The following SLC12A2 variants were observed in gnomAD, a reference collection of about 807,000 sequenced individuals.
SLC12A2 encodes the protein Na-K-2Cl cotransporter 1.
In SLC12A2, 67 loss-of-function variants were observed where a neutral mutation model predicts 136.3. The ratio of observed to expected loss-of-function variants is 0.49; its 90% CI spans 0.40 to 0.60. SLC12A2 has a LOEUF of 0.60. Among genes scored for constraint, SLC12A2 ranks in the 20% least tolerant of loss-of-function variants. The pLI, the probability that SLC12A2 is intolerant of heterozygous loss-of-function variation, is 0.00. For synonymous variants in SLC12A2, 619 were observed against 562.9 expected, an observed-to-expected ratio of 1.10 and a Z score of -1.41; for missense variants, 1,322 against 1,534.7, an observed-to-expected ratio of 0.86 and a Z score of 2.32.
chr5:128,130,165 CT>C (rs1312607138), intron 4 of SLC12A2, among the ~76,000 whole-genome samples: 1 of 151,932 alleles, frequency 6.6e-6, no homozygotes, highest in Non-Finnish European at 1.5e-5. Flanking sequence ...GATTCCAGCA[CT>C]TTTGGGAGGC....
chr5:128,105,343 G>A (rs73784511), intron 1 of SLC12A2, among the ~76,000 whole-genome samples: 1 of 152,140 alleles, frequency 6.6e-6, no homozygotes, highest in Non-Finnish European at 1.5e-5. Context: ...AGCAAGGGAG[G>A]GGGGTATAGG....
intron 12 of SLC12A2, among the ~76,000 whole-genome samples, chr5:128,149,410 C>T (rs1414499062): frequency 1.3e-5 from 2 of 151,612 alleles, no homozygotes; most frequent in Non-Finnish European, 3.0e-5. Context: ...GGCAATATCT[C>T]GTAAACTTTT....
At chr5:128,154,623 C>T (rs1762816392) in intron 15 of SLC12A2, among the ~76,000 whole-genome samples, 3 of 152,000 alleles carry the variant, frequency 2.0e-5, no homozygotes, top group Non-Finnish European at 4.4e-5. Flanking sequence ...AGAGTAGTCC[C>T]CTGTTATCCA....
intron 20 of SLC12A2, among the ~76,000 whole-genome samples, chr5:128,176,836 T>A (rs1311344766): frequency 6.6e-6 from 1 of 152,076 alleles, no homozygotes; most frequent in South Asian, 2.1e-4. Context: ...GTAAACATTT[T>A]AAAAATATGC....
intron 17 of SLC12A2, among the ~76,000 whole-genome samples, chr5:128,165,596 A>G (rs1343416624): frequency 6.6e-6 from 1 of 152,194 alleles, no homozygotes; most frequent in African/African-American, 2.4e-5. Flanking sequence ...TTATTTGGAC[A>G]CTGAAAACAT....
rs139059450 is a variant in SLC12A2, at chr5:128,137,711, G to T, written c.1409-886G>T. Reference sequence around the variant, plus strand: ...TAGATGGATACATTACAGTTAGTCGGTTATCTTAGAGTCAGAGATGAAAAC... The same window carrying T: ...TAGATGGATACATTACAGTTAGTCGTTTATCTTAGAGTCAGAGATGAAAAC... On this transcript the variant is annotated intron_variant, in intron 7 of 26. Coordinates refer to ENST00000262461, the MANE Select transcript of SLC12A2 (RefSeq NM_001046.3). 8.0e-4 allele frequency among the ~76,000 whole-genome samples: 122 copies of T among 152,218 alleles called. 2 individuals are homozygous for T. The highest frequency in any genetic ancestry group is 2.9e-3 in the African/African-American group (120 of 41,526).
chr5:128,166,836 A>G (rs1462067498), intron 17 of SLC12A2, among the ~76,000 whole-genome samples: 2 of 152,108 alleles, frequency 1.3e-5, no homozygotes, highest in Non-Finnish European at 2.9e-5. Context: ...CTACAATAAA[A>G]TACTAAAACT....
At chr5:128,137,237 C>T (rs933324151) in intron 7 of SLC12A2, among the ~76,000 whole-genome samples, 1 of 152,156 alleles carries the variant, frequency 6.6e-6, no homozygotes, top group African/African-American at 2.4e-5. Context: ...ACTCCAATTT[C>T]ATTTAATTTT....
At chr5:128,106,657 C>A (rs1393455823) in intron 1 of SLC12A2, among the ~76,000 whole-genome samples, 1 of 152,050 alleles carries the variant, frequency 6.6e-6, no homozygotes, top group African/African-American at 2.4e-5. Context: ...TGTGGACATA[C>A]CTTTATTTTA....
Position 128,110,657 on chromosome 5 carries a change from G to A in SLC12A2, c.757-2157G>A, listed in dbSNP as rs896793225. The A allele has an allele frequency of 6.5e-6, 8 of 1,226,432 alleles. No homozygotes were observed. The South Asian group carries it at 8.4e-5, about 13-fold the overall frequency. The allele number at this position is 1,226,432 out of a possible 1,614,324, so 76.0% of individuals were successfully genotyped here. On this transcript the variant is annotated intron_variant, in intron 1 of 26. Coordinates refer to ENST00000262461, the MANE Select transcript of SLC12A2 (RefSeq NM_001046.3). Reference sequence around the variant, plus strand: ...AGTGACAGTGTTGTGCTGAAGCCAAGACTCCGTCTACTATGAACATTTTTA... The same window carrying A: ...AGTGACAGTGTTGTGCTGAAGCCAAAACTCCGTCTACTATGAACATTTTTA...
chr5:128,185,801 T>TAA (rs1763848104), intron 26 of SLC12A2, among the ~76,000 whole-genome samples: 6 of 152,178 alleles, frequency 3.9e-5, no homozygotes, highest in Admixed American at 3.9e-4. Flanking sequence ...ATATCAGAGG[T>TAA]ACTGTGGTTT....
At chr5:128,153,788 T>G (rs1762785327) in intron 15 of SLC12A2, among the ~76,000 whole-genome samples, 1 of 152,110 alleles carries the variant, frequency 6.6e-6, no homozygotes, top group Non-Finnish European at 1.5e-5. Context: ...AGAAAAGTAA[T>G]TGTTTATTTT....
intron 4 of SLC12A2, among the ~76,000 whole-genome samples, chr5:128,129,876 C>T (rs1387508891): frequency 6.6e-6 from 1 of 152,104 alleles, no homozygotes; most frequent in African/African-American, 2.4e-5. Flanking sequence ...ATTAGATTGT[C>T]TCTGAATCAT....
chr5:128,130,076 G>A (rs1440233457), intron 4 of SLC12A2, among the ~76,000 whole-genome samples: 2 of 149,054 alleles, frequency 1.3e-5, no homozygotes, highest in Non-Finnish European at 1.5e-5. Flanking sequence ...ACCACAAATT[G>A]TCTTAATTAA....
chr5:128,165,724 G>A (rs867072625), intron 17 of SLC12A2, among the ~76,000 whole-genome samples: 3 of 152,242 alleles, frequency 2.0e-5, no homozygotes, highest in Middle Eastern at 3.4e-3. Flanking sequence ...AATTGAAAAT[G>A]TAAGTATACA....
At chr5:128,165,335 C>T (rs541861191) in intron 17 of SLC12A2, among the ~76,000 whole-genome samples, 7 of 152,102 alleles carry the variant, frequency 4.6e-5, no homozygotes, top group Non-Finnish European at 8.8e-5. Flanking sequence ...ATTTAAATAG[C>T]AAAACTAAAT....
intron 18 of SLC12A2, 38 bp from the exon 19 acceptor site, chr5:128,171,629 T>A (rs1763377732): frequency 1.5e-6 from 2 of 1,365,946 alleles, no homozygotes; most frequent in Non-Finnish European, 2.0e-6. Context: ...TTGTGATTTT[T>A]TTTTTGGTTT....
rs765309351 is a variant in SLC12A2 at position 128,131,189 on chromosome 5, G to A, written c.1171G>A (p.Val391Met). ...GTATGTGGTTGGATTTGCAGAAACC[G>A]TGGTGGAGTTGCTTAAGGTAATTCA... ...AMYVVGFAET[V>M]VELLKEHSIL... The change falls in exon 5 of 27, where the codon GTG (valine) becomes ATG (methionine). Residue 391 changes from valine (V) to methionine (M), a missense_variant. By Grantham distance (21) the Val-to-Met change is conservative. Transcript: ENST00000262461. The A allele has an allele frequency of 9.9e-6, 16 of 1,614,028 alleles. No homozygotes were observed. Among genetic ancestry groups the A allele is most frequent in the African/African-American group, 5.3e-5 (4 of 74,908 alleles).
intron 1 of SLC12A2, among the ~76,000 whole-genome samples, chr5:128,087,984 T>A (rs1760161814): frequency 7.4e-6 from 1 of 135,998 alleles, no homozygotes; most frequent in African/African-American, 2.7e-5. Context: ...AGACAACTTA[T>A]TCCAAGAGTC....
Sources: allele counts gnomAD v4.1 joint callset (sites outside exome capture counted in the v4.1 genomes callset), GRCh38; gene constraint gnomAD v4.1.1; transcripts MANE v1.5; gene names NCBI Gene and HGNC (gene_info 2026-07-23, HGNC 2026-07-21).